MLLT6: variants seen among roughly 807,000 people sequenced by gnomAD.
MLLT6 encodes protein AF-17.
Under a neutral mutation model 103.0 loss-of-function variants are expected in MLLT6, and 22 were observed. The ratio of observed to expected loss-of-function variants is 0.21; its 90% confidence interval spans 0.15 to 0.31. MLLT6 has a LOEUF of 0.31. Among genes scored for constraint, MLLT6 ranks in the 10% least tolerant of loss-of-function variants. The pLI is 1.00. For synonymous variants in MLLT6, 606 were observed against 623.5 expected, an observed-to-expected ratio of 0.97 and a Z score of 0.42; for missense variants, 1,199 against 1,441.7, an observed-to-expected ratio of 0.83 and a Z score of 2.73.
rs763543197 is a variant in MLLT6 at position 38,724,078 on chromosome 17, G to A, written c.2884-542G>A. Among the ~76,000 whole-genome samples the A allele has an allele frequency of 6.6e-5, 10 of 151,956 alleles. No individual in the cohort carries two copies. The highest frequency in any genetic ancestry group is 2.2e-4 in the African/African-American group (9 of 41,370). On this transcript the variant is annotated intron_variant, in intron 18 of 19. Transcript: ENST00000621332. This position sits in a 1 kb window ranked among gnomAD's most constrained non-coding sequence, Gnocchi z 5.4. ...TATTGACCTAGTCAGTAGTTTTGGC[G>A]AAACCCCGTCTCTACTAAAAATACA...
intron 12 of MLLT6, chr17:38,719,045 A>T (rs902345625): frequency 7.0e-5 from 14 of 199,944 alleles, no homozygotes. Context: ...AATTATGATA[A>T]TAGCTGCAGT....
intron 13 of MLLT6, 22 bp from the exon 14 acceptor site, chr17:38,719,728 C>T: frequency 6.2e-7 from 1 of 1,601,930 alleles, no homozygotes; most frequent in Non-Finnish European, 8.5e-7. Flanking sequence ...GTCGACTGAA[C>T]CCAGGTTCCC....
chr17:38,711,168 C>T (rs570938737), intron 6 of MLLT6, among the ~76,000 whole-genome samples: 2 of 152,144 alleles, frequency 1.3e-5, no homozygotes, highest in African/African-American at 4.8e-5. Context: ...TTAGAGGGAG[C>T]AGCTATAACC....
chr17:38,715,713 C>T lies in MLLT6; in HGVS notation c.921C>T (p.Ser307=). Residue 307 remains serine, a synonymous_variant, in exon 9 of 20, where the codon AGC becomes AGT. Coordinates refer to ENST00000621332, the MANE Select transcript of MLLT6 (RefSeq NM_005937.4). ...AGGGGAAAAAGTCTTCCAGCCATAG[C>T]CTGAGTCATAAAGGGAAGAAACTGA... is the stretch of plus-strand genomic sequence containing the variant. The part of the protein sequence containing the change: ...ESKGKKSSSH[S]LSHKGKKLSS... 3.1e-6 allele frequency: 5 copies of T among 1,614,148 alleles called. No individual in the cohort carries two copies. The South Asian group carries it at 3.3e-5, about 11-fold the overall frequency.
At chr17:38,718,760 TCA>T in intron 12 of MLLT6, 1 of 152,058 alleles carries the variant, frequency 6.6e-6, no homozygotes, top group East Asian at 1.9e-4. Context: ...AGGGGGCGGG[TCA>T]CAAGCGCCCC....
In MLLT6 at chr17:38,725,523, T is replaced by C. The variant is rs567365056; in HGVS notation, c.3241-34T>C. ...ATCTGGGGGTTAGGACCTGACACTT[T>C]CCACACCCCCGGCCTCCCTCCCTCT... On this transcript the variant is annotated intron_variant, in intron 19 of 19. Transcript: ENST00000621332. 4.4e-6 allele frequency: 7 copies of C among 1,604,228 alleles called. No individual in the cohort carries two copies. The Admixed American group carries it at 6.8e-5, about 16-fold the overall frequency.
At chr17:38,711,792 GT>G (rs1177310677) in intron 6 of MLLT6, 54 bp from the exon 7 acceptor site, 9 of 1,455,320 alleles carry the variant, frequency 6.2e-6, no homozygotes, top group African/African-American at 1.4e-5. Flanking sequence ...TTCTGGAAGC[GT>G]TCCCTAAGCC....
At position 38,719,822 on chromosome 17, in the gene MLLT6, C is replaced by T; in HGVS notation, c.2082C>T (p.Asp694=). 1 of 1,613,090 alleles carries T rather than the reference C, an allele frequency of 6.2e-7. No homozygotes were observed. Among genetic ancestry groups the T allele is most frequent in the Non-Finnish European group, 8.5e-7 (1 of 1,179,762 alleles). The change falls in exon 14 of 20, where the codon GAC becomes GAT. Residue 694 remains aspartate, a synonymous_variant. Transcript: ENST00000621332. ...ASAPCGGGQL[D]PAAPGTTNME... is the part of the protein sequence containing the mutation. Reference sequence around the variant, plus strand: ...CACCCTGTGGGGGCGGCCAGTTAGACCCGGCGGCCCCAGGGACGACTAACA... The same window carrying T: ...CACCCTGTGGGGGCGGCCAGTTAGATCCGGCGGCCCCAGGGACGACTAACA...
intron 8 of MLLT6, chr17:38,713,117 CT>C (rs780728882): frequency 1.5e-4 from 106 of 724,182 alleles, no homozygotes; most frequent in Non-Finnish European, 1.8e-4. Context: ...TCTAGGGCCC[CT>C]GTCCCCAGAG....
intron 6 of MLLT6, among the ~76,000 whole-genome samples, 188 bp from the exon 7 acceptor site, chr17:38,711,659 A>G (rs1242527956): frequency 6.6e-6 from 1 of 151,910 alleles, no homozygotes; most frequent in African/African-American, 2.4e-5. Flanking sequence ...CAGCTGGAAC[A>G]CTCTAGGATT....
Position 38,721,994 on chromosome 17 carries a change from G to T in MLLT6, c.2559G>T (p.Gly853=). The change falls in exon 17 of 20, where the codon GGG becomes GGT. Residue 853 remains glycine, a synonymous_variant. Coordinates refer to ENST00000621332, the MANE Select transcript of MLLT6 (RefSeq NM_005937.4). Reference sequence around the variant, plus strand: ...CCACTCTGCCCCTGGCCCTGCCTGGGGCCCCTGCCCCACTCCCGCCCCAGC... The same window carrying T: ...CCACTCTGCCCCTGGCCCTGCCTGGTGCCCCTGCCCCACTCCCGCCCCAGC... ...SPATLPLALP[G]APAPLPPQPQ... 2 of 1,495,102 alleles carry T rather than the reference G, an allele frequency of 1.3e-6. No individual in the cohort carries two copies. The allele number at this position is 1,495,102 out of a possible 1,614,324, so 92.6% of individuals were successfully genotyped here. A position where few individuals can be genotyped will look rare whatever the true frequency, so the allele number is the denominator to read the frequency against.
At chr17:38,722,657 C>CA (rs758077976) in intron 17 of MLLT6, 21 bp from the exon 18 acceptor site, 17 of 467,090 alleles carry the variant, frequency 3.6e-5, no homozygotes, top group African/African-American at 3.3e-4. Flanking sequence ...GTCCCCCCCC[C>CA]ACCCCCCACC....
At position 38,725,504 on chromosome 17, in the gene MLLT6, G is replaced by A. The variant is rs550721663; in HGVS notation, c.3241-53G>A. 1.8e-4 allele frequency: 285 copies of A among 1,543,262 alleles called. 1 individual carries two copies. The Middle Eastern group carries it at 6.2e-3, about 34-fold the overall frequency. ...GGCCTAGGAAGCTGTTCTTATCTGG[G>A]GGTTAGGACCTGACACTTTCCACAC... On this transcript the variant is annotated intron_variant, in intron 19 of 19. Coordinates refer to ENST00000621332, the MANE Select transcript of MLLT6 (RefSeq NM_005937.4).
chr17:38,713,051 C>A (rs764605371), intron 8 of MLLT6: 7 of 774,014 alleles, frequency 9.0e-6, no homozygotes, highest in African/African-American at 1.7e-5. Context: ...AGGGCCTCAG[C>A]CCTGGGCTCT....
In MLLT6 at chr17:38,729,148, A is replaced by G. The variant is rs1162968311; in HGVS notation, c.*3550A>G. The G allele has an allele frequency of 4.3e-6, 1 of 233,242 alleles. No individual in the cohort carries two copies. Among genetic ancestry groups the G allele is most frequent in the East Asian group, 6.0e-5 (1 of 16,610 alleles). 14.4% of individuals were successfully genotyped at this position (233,242 alleles called of 1,614,324 possible). A position where few individuals can be genotyped will look rare whatever the true frequency, so the allele number is the denominator to read the frequency against. ...TCTCTCTCCCAAATTGGAAATGAAG[A>G]CAGGTTTTCAAAGGCACAGGCTCCC... On this transcript the variant is annotated 3_prime_UTR_variant, in exon 20 of 20. Coordinates refer to ENST00000621332, the MANE Select transcript of MLLT6 (RefSeq NM_005937.4).
At chr17:38,715,382 CT>C in intron 8 of MLLT6, 1 of 558,262 alleles carries the variant, frequency 1.8e-6, no homozygotes, top group Non-Finnish European at 3.0e-6. Flanking sequence ...CAGACACCTT[CT>C]TGGGTTCAGT....
At chr17:38,715,258 C>T (rs1289823231) in intron 8 of MLLT6, 8 of 205,936 alleles carry the variant, frequency 3.9e-5, no homozygotes, top group South Asian at 1.4e-4. Flanking sequence ...GTCCCGCCTT[C>T]TTAGACGCCC....
intron 14 of MLLT6, 126 bp downstream of exon 14, chr17:38,720,021 AC>A (rs1905614793): frequency 2.3e-6 from 3 of 1,304,518 alleles, no homozygotes; most frequent in Non-Finnish European, 3.1e-6. Flanking sequence ...ACTCTCGGCC[AC>A]CCCGGGCCTC....
Position 38,728,380 on chromosome 17 carries a change from TTGTC to T in MLLT6, c.*2785_*2788del, listed in dbSNP as rs1476782817. ...AAGGGACCCAGATTTGTAGATCTCT[TTGTC>T]TGGGGGAGGGGAAGGATGTGGTTTG... On this transcript the variant is annotated 3_prime_UTR_variant, in exon 20 of 20. Coordinates refer to ENST00000621332, the MANE Select transcript of MLLT6 (RefSeq NM_005937.4). 6 of 231,568 alleles carry T rather than the reference TTGTC, an allele frequency of 2.6e-5. No homozygotes were observed. The highest frequency in any genetic ancestry group is 3.4e-5 in the Non-Finnish European group (4 of 117,480). 14.3% of individuals were successfully genotyped at this position (231,568 alleles called of 1,614,324 possible).
Sources: gnomAD v4.1 joint callset for allele counts (sites outside exome capture counted in the v4.1 genomes callset) on GRCh38, gnomAD v4.1.1 for gene constraint, Gnocchi (gnomAD v3.1) non-coding constraint, MANE v1.5 for transcripts, NCBI Gene and HGNC (gene_info 2026-07-23, HGNC 2026-07-21) for gene names.